The following EHMT1 variants were observed in gnomAD, a reference collection of about 807,000 sequenced individuals.
EHMT1 encodes euchromatic histone lysine methyltransferase 1.
EHMT1 carries 15 observed loss-of-function variants against 147.2 expected under a neutral mutation model. The observed-to-expected ratio is 0.10, with a 90% CI of 0.07 to 0.16. The LOEUF is 0.16. EHMT1 is among the 10% of genes least tolerant of loss of function. The pLI is 1.00. For missense variants in EHMT1, 1,587 were observed against 1,772.4 expected (o/e 0.90, Z 1.88); for synonymous variants, 795 against 709.6 (o/e 1.12, Z -1.91).
At chr9:137,628,803 C>G (rs967793070) in intron 1 of EHMT1, among the ~76,000 whole-genome samples, 2 of 152,222 alleles carry the variant, frequency 1.3e-5, no homozygotes, top group African/African-American at 2.4e-5. Context: ...GGAGATCCCA[C>G]ACGTGGCCAG....
At chr9:137,779,110 GTT>G (rs1469161512) in intron 13 of EHMT1, among the ~76,000 whole-genome samples, 4 of 152,240 alleles carry the variant, frequency 2.6e-5, no homozygotes, top group Non-Finnish European at 5.9e-5. Context: ...TTCAACGTGA[GTT>G]TTGGGAGGGA....
At position 137,694,380 on chromosome 9, in the gene EHMT1, G is replaced by A. The variant is rs952420574; in HGVS notation, c.22-16587G>A. ...CAGGCGATGGTGCTGGACTCTGGCC[G>A]ATACCCCCCACACAGTGGCACAGGA... On this transcript the variant is annotated intron_variant, in intron 1 of 26. Transcript: ENST00000460843. 6.0e-5 allele frequency among the ~76,000 whole-genome samples: 9 copies of A among 150,422 alleles called. 1 individual carries two copies. Among genetic ancestry groups the A allele is most frequent in the Middle Eastern group, 3.4e-3 (1 of 292 alleles).
rs555678625 is a variant in EHMT1 at position 137,717,098 on chromosome 9, A to G, written c.558A>G (p.Thr186=). 7 of 1,612,308 alleles carry G rather than the reference A, an allele frequency of 4.3e-6. No homozygotes were observed. The East Asian group carries it at 1.6e-4, about 36-fold the overall frequency. Residue 186 remains threonine, a synonymous_variant, in exon 3 of 27, where the codon ACA becomes ACG. Coordinates refer to ENST00000460843, the MANE Select transcript of EHMT1 (RefSeq NM_024757.5). The part of the protein sequence containing the change: ...PATLGEGSAD[T]EDRKLPAPGA... ...CCCTTGGGGAGGGGAGTGCTGACAC[A>G]GAGGACAGGAAGCTCCCGGCCCCTG...
intron 1 of EHMT1, among the ~76,000 whole-genome samples, chr9:137,675,438 A>AT (rs1941156284): frequency 6.6e-6 from 1 of 151,930 alleles, no homozygotes; most frequent in Non-Finnish European, 1.5e-5. Context: ...TGAGTAGTTC[A>AT]TTTTCTCTTT....
intron 4 of EHMT1, among the ~76,000 whole-genome samples, chr9:137,742,289 T>TTGTGTG (rs56080406): frequency 0.12 from 16,302 of 134,914 alleles, 1,236 homozygotes; most frequent in African/African-American, 0.2. Context: ...AGAACCAAAT[T>TTGTGTG]TGTGTGTGTG....
rs546353994 is a variant in EHMT1, at chr9:137,645,768, C to T, written c.21+26719C>T. Among the ~76,000 whole-genome samples, 22 of 152,134 alleles carry T rather than the reference C, an allele frequency of 1.4e-4. No homozygotes were observed. In the East Asian group the frequency reaches 3.7e-3, roughly 25 times the overall value. On this transcript the variant is annotated intron_variant, in intron 1 of 26. Coordinates refer to ENST00000460843, the MANE Select transcript of EHMT1 (RefSeq NM_024757.5). ...CTCCAGAAACGTGGCTGCAGCCCCA[C>T]GTGGGCCTCAGACCCTTGAAACATG...
rs527939411 is a variant in EHMT1 at position 137,807,321 on chromosome 9, C to A, written c.2713-4140C>A. On this transcript the variant is annotated intron_variant, in intron 18 of 26. Coordinates refer to ENST00000460843, the MANE Select transcript of EHMT1 (RefSeq NM_024757.5). The stretch of plus-strand genomic sequence containing the variant: ...TAGTCCACTCATCTTTTCTTCTGCA[C>A]GTGATGCTGTTGAGCTCATCCGGTC... 2.8e-3 allele frequency among the ~76,000 whole-genome samples: 426 copies of A among 152,164 alleles called. 2 individuals carry two copies. Among genetic ancestry groups the A allele is most frequent in the African/African-American group, 1.0e-2 (414 of 41,510 alleles).
chr9:137,666,730 T>G (rs1939701219), intron 1 of EHMT1, among the ~76,000 whole-genome samples: 1 of 152,200 alleles, frequency 6.6e-6, no homozygotes, highest in Admixed American at 6.5e-5. Flanking sequence ...TGATCCTGTC[T>G]GCGTGTTCAT....
At chr9:137,826,462 G>T (rs1242482471) in intron 25 of EHMT1, among the ~76,000 whole-genome samples, 1 of 152,190 alleles carries the variant, frequency 6.6e-6, no homozygotes, top group Non-Finnish European at 1.5e-5. Context: ...GCCTCCAGGT[G>T]GCCCTGGTTC....
intron 1 of EHMT1, among the ~76,000 whole-genome samples, chr9:137,702,605 G>A (rs1024171438): frequency 1.1e-4 from 16 of 152,136 alleles, no homozygotes; most frequent in African/African-American, 1.9e-4. Flanking sequence ...ATGGGCTGGC[G>A]TTGAGTGCCT....
chr9:137,749,149 C>T (rs1165535427), intron 6 of EHMT1, among the ~76,000 whole-genome samples: 2 of 151,910 alleles, frequency 1.3e-5, no homozygotes, highest in Non-Finnish European at 2.9e-5. Flanking sequence ...TGCTCCTGAC[C>T]TGCTACCCAC....
Position 137,731,379 on chromosome 9 carries a change from G to T in EHMT1, c.823+2850G>T, listed in dbSNP as rs183196503. Among the ~76,000 whole-genome samples the T allele has an allele frequency of 6.6e-6, 1 of 152,204 alleles. No homozygotes were observed. The highest frequency in any genetic ancestry group is 2.4e-5 in the African/African-American group (1 of 41,446). On this transcript the variant is annotated intron_variant, in intron 4 of 26. Transcript: ENST00000460843. The surrounding 1 kb of genome is among the most constrained non-coding windows in gnomAD (Gnocchi z 4.3). ...GAAGTTACAGTTTCTGTGCTAGAAC[G>T]TGTTAACTAGAGAGGAGCATGGCAT...
chr9:137,636,608 G>A (rs534566527), intron 1 of EHMT1, among the ~76,000 whole-genome samples: 53 of 152,156 alleles, frequency 3.5e-4, no homozygotes, highest in African/African-American at 1.2e-3. Flanking sequence ...TTATAAAGGG[G>A]TTTTGGATTT....
chr9:137,765,749 A>AC (rs1950178247), intron 10 of EHMT1, among the ~76,000 whole-genome samples: 1 of 146,074 alleles, frequency 6.8e-6, no homozygotes, highest in Admixed American at 7.0e-5. Context: ...GACTCCCACA[A>AC]CGCCCACTTC....
At chr9:137,827,134 A>G (rs1166517634) in intron 25 of EHMT1, among the ~76,000 whole-genome samples, 1 of 152,080 alleles carries the variant, frequency 6.6e-6, no homozygotes, top group Non-Finnish European at 1.5e-5. Flanking sequence ...CCTCAGGGAC[A>G]TCCTGTCAGC....
intron 13 of EHMT1, among the ~76,000 whole-genome samples, chr9:137,779,337 G>T (rs1418169073): frequency 6.6e-6 from 1 of 152,238 alleles, no homozygotes. Flanking sequence ...CGCTGGTTCT[G>T]TCGTCGTGTT....
At chr9:137,805,162 T>C (rs1201611302) in intron 18 of EHMT1, among the ~76,000 whole-genome samples, 1 of 151,828 alleles carries the variant, frequency 6.6e-6, no homozygotes, top group Non-Finnish European at 1.5e-5. Flanking sequence ...ATCATCTGCA[T>C]GTGTCATTCG....
intron 1 of EHMT1, among the ~76,000 whole-genome samples, chr9:137,683,045 C>G (rs938415038): frequency 6.6e-6 from 1 of 152,210 alleles, no homozygotes. Flanking sequence ...GTTTCTAGTT[C>G]TTTCCACAGC....
intron 25 of EHMT1, 84 bp from the exon 26 acceptor site, chr9:137,834,250 AACTGCAGGCTCCGGG>A: frequency 6.7e-7 from 1 of 1,501,036 alleles, no homozygotes; most frequent in African/African-American, 1.4e-5. Context: ...GCCTGCGCCC[AACTGCAGGCTCCGGG>A]ACTGCCATGC....
Sources: gnomAD v4.1 joint callset for allele counts (sites outside exome capture counted in the v4.1 genomes callset) on GRCh38, gnomAD v4.1.1 for gene constraint, Gnocchi (gnomAD v3.1) non-coding constraint, MANE v1.5 for transcripts, NCBI Gene and HGNC (gene_info 2026-07-23, HGNC 2026-07-21) for gene names.